TRERF1: variants seen among roughly 807,000 people sequenced by gnomAD.
The protein encoded by TRERF1 is transcriptional-regulating factor 1.
In TRERF1, 27 loss-of-function variants were observed where a neutral mutation model predicts 122.9. The ratio of observed to expected loss-of-function variants is 0.22; its 90% CI spans 0.16 to 0.30. The LOEUF (loss-of-function observed/expected upper bound fraction) is 0.30. TRERF1 is among the 10% of genes least tolerant of loss of function. The pLI, the probability that TRERF1 is intolerant of heterozygous loss-of-function variation, is 1.00. For missense variants in TRERF1, 1,248 were observed against 1,560.3 expected (o/e 0.80, Z 3.37); for synonymous variants, 636 against 641.7 (o/e 0.99, Z 0.13).
chr6:42,330,823 TG>T (rs940455039), intron 3 of TRERF1, among the ~76,000 whole-genome samples: 2 of 152,074 alleles, frequency 1.3e-5, no homozygotes, highest in African/African-American at 4.8e-5. Flanking sequence ...CATGCCATGG[TG>T]CCCAGCTAAT....
At chr6:42,428,927 A>G (rs115732434) in intron 2 of TRERF1, among the ~76,000 whole-genome samples, 1,577 of 152,192 alleles carry the variant, frequency 0.01, 23 homozygotes, top group African/African-American at 0.035. Flanking sequence ...AGTCCAATAC[A>G]CTGGCTCTGA....
rs142966722 is a variant in TRERF1 at position 42,309,552 on chromosome 6, G to A, written c.-370-8803C>T. Among the ~76,000 whole-genome samples, 883 of 152,222 alleles carry A rather than the reference G, an allele frequency of 5.8e-3. 8 individuals carry two copies. Among genetic ancestry groups the A allele is most frequent in the Non-Finnish European group, 9.1e-3 (617 of 68,010 alleles). On this transcript the variant is annotated intron_variant, in intron 3 of 17. Coordinates refer to ENST00000372922, the Ensembl canonical transcript of TRERF1. ...TTAGATCATCTTACTCCAAGGTGTG[G>A]TCTTTAGACCTGAAGCCTTAGCATC... is the stretch of plus-strand genomic sequence containing the variant.
intron 2 of TRERF1, among the ~76,000 whole-genome samples, chr6:42,381,537 T>C (rs996444460): frequency 3.9e-5 from 6 of 152,024 alleles, no homozygotes; most frequent in Admixed American, 3.9e-4. Flanking sequence ...ATTTTATAAA[T>C]AGCCCTTTCT....
In TRERF1 at chr6:42,228,739, T is replaced by C; in HGVS notation, c.3279-70A>G. 1 of 1,465,132 alleles carries C rather than the reference T, an allele frequency of 6.8e-7. No individual in the cohort carries two copies. 90.8% of individuals were successfully genotyped at this position (1,465,132 alleles called of 1,614,324 possible). A position where few individuals can be genotyped will look rare whatever the true frequency, so the allele number is the denominator to read the frequency against. On this transcript the variant is annotated intron_variant, in intron 17 of 17. Transcript: ENST00000372922. This position sits in a 1 kb window ranked among gnomAD's most constrained non-coding sequence, Gnocchi z 4.2. ...TGAGTTCTTGGAAATCCAGGTGTCCTACGGGGAATGGGGGTGTGTGGTCTG... is the reference window on the plus strand; with the variant it reads ...TGAGTTCTTGGAAATCCAGGTGTCCCACGGGGAATGGGGGTGTGTGGTCTG...
chr6:42,327,671 G>A (rs549688919), intron 3 of TRERF1, among the ~76,000 whole-genome samples: 4 of 152,312 alleles, frequency 2.6e-5, no homozygotes, highest in African/African-American at 7.2e-5. Flanking sequence ...TAACAACACT[G>A]TCTGGAACAT....
At chr6:42,386,426 T>C (rs1008803371) in intron 2 of TRERF1, among the ~76,000 whole-genome samples, 6 of 151,596 alleles carry the variant, frequency 4.0e-5, no homozygotes, top group African/African-American at 1.2e-4. Context: ...CTGGGCGACA[T>C]AGCGAGACCC....
At chr6:42,262,612 A>AGAGAGAGAGAGAGAAAGAGAGAG (rs1169414320) in intron 8 of TRERF1, among the ~76,000 whole-genome samples, 1 of 116,220 alleles carries the variant, frequency 8.6e-6, no homozygotes, top group African/African-American at 3.5e-5. Flanking sequence ...AGACAGACGG[A>AGAGAGAGAGAGAGAAAGAGAGAG]AACCCTTCCC....
intron 3 of TRERF1, among the ~76,000 whole-genome samples, chr6:42,330,931 G>A (rs368462352): frequency 2.6e-5 from 4 of 152,062 alleles, no homozygotes; most frequent in South Asian, 2.1e-4. Context: ...CACCCGCCTC[G>A]ACCTCCCAAA....
At chr6:42,443,259 A>G (rs777906597) in intron 2 of TRERF1, among the ~76,000 whole-genome samples, 4 of 152,250 alleles carry the variant, frequency 2.6e-5, no homozygotes, top group Non-Finnish European at 5.9e-5. Flanking sequence ...AGTTCATTAT[A>G]CTAGCCTCTC....
chr6:42,360,911 G>A (rs371623380), intron 3 of TRERF1, among the ~76,000 whole-genome samples: 36 of 151,568 alleles, frequency 2.4e-4, no homozygotes, highest in African/African-American at 7.5e-4. Context: ...TCATTGTGCC[G>A]TGGGAGCCCC....
chr6:42,230,888 A>G (rs1323621322), intron 17 of TRERF1, among the ~76,000 whole-genome samples: 1 of 152,214 alleles, frequency 6.6e-6, no homozygotes, highest in Non-Finnish European at 1.5e-5. Flanking sequence ...GCCAGCCTGC[A>G]TGGTGTGAAT....
intron 2 of TRERF1, among the ~76,000 whole-genome samples, chr6:42,425,033 C>T (rs1312878225): frequency 2.0e-5 from 3 of 151,988 alleles, no homozygotes; most frequent in South Asian, 2.1e-4. Flanking sequence ...ATTAAAAGCC[C>T]GGGCTCGTGA....
At chr6:42,359,756 C>G (rs1283666835) in intron 3 of TRERF1, among the ~76,000 whole-genome samples, 1 of 152,010 alleles carries the variant, frequency 6.6e-6, no homozygotes, top group Admixed American at 6.6e-5. Context: ...AAAAAAAACC[C>G]CAAAAATCAG....
chr6:42,247,285 G>T (rs542990025), intron 13 of TRERF1, among the ~76,000 whole-genome samples: 2 of 152,320 alleles, frequency 1.3e-5, no homozygotes, highest in African/African-American at 4.8e-5. Flanking sequence ...CACTTCAGTT[G>T]TTCATTCAAC....
At position 42,259,807 on chromosome 6, in the gene TRERF1, A is replaced by G; in HGVS notation, c.1885-84T>C. On this transcript the variant is annotated intron_variant, in intron 8 of 17. Transcript: ENST00000372922. This position sits in a 1 kb window ranked among gnomAD's most constrained non-coding sequence, Gnocchi z 4.9. ...ACAGGTTCAGGGAAGGGGGCCTTCT[A>G]CTGTCTAAGCAGAGAGCCCTTCTGC... 6.4e-7 allele frequency: 1 copy of G among 1,571,622 alleles called. No individual in the cohort carries two copies. The highest frequency in any genetic ancestry group is 8.6e-7 in the Non-Finnish European group (1 of 1,165,032).
rs1358715357 is a variant in TRERF1, at chr6:42,276,508, A to G, written c.-258-6660T>C. On this transcript the variant is annotated intron_variant, in intron 4 of 17. Coordinates refer to ENST00000372922, the Ensembl canonical transcript of TRERF1. This position sits in a 1 kb window ranked among gnomAD's most constrained non-coding sequence, Gnocchi z 4.3. ...ACTCCCCTGGGGCTCCTCTTAGTCC[A>G]GCTCACTCCCAGCTCCCCTAAGCAG... is the stretch of plus-strand genomic sequence containing the variant. 6.6e-6 allele frequency among the ~76,000 whole-genome samples: 1 copy of G among 152,136 alleles called. No homozygotes were observed. The highest frequency in any genetic ancestry group is 1.5e-5 in the Non-Finnish European group (1 of 68,016).
chr6:42,440,544 G>A (rs534819843), intron 2 of TRERF1, among the ~76,000 whole-genome samples: 2 of 152,176 alleles, frequency 1.3e-5, no homozygotes, highest in South Asian at 2.1e-4. Context: ...CTACTAAAGC[G>A]ATCTGGAGCC....
intron 2 of TRERF1, among the ~76,000 whole-genome samples, chr6:42,391,369 C>A (rs1777704436): frequency 6.6e-6 from 1 of 152,152 alleles, no homozygotes. Flanking sequence ...CTCTTAAATG[C>A]CTAGGGTTAA....
At chr6:42,246,268 TCC>T (rs924833488) in intron 14 of TRERF1, among the ~76,000 whole-genome samples, 186 bp downstream of exon 14, 8 of 152,100 alleles carry the variant, frequency 5.3e-5, no homozygotes, top group African/African-American at 1.9e-4. Flanking sequence ...CTTTCCCCTG[TCC>T]TCTCCCTGCC....
Sources: allele counts gnomAD v4.1 joint callset (sites outside exome capture counted in the v4.1 genomes callset), GRCh38; gene constraint gnomAD v4.1.1; non-coding constraint Gnocchi (gnomAD v3.1); transcripts MANE v1.5; gene names NCBI Gene and HGNC (gene_info 2026-07-23, HGNC 2026-07-21).